The following LINGO2 variants were observed in gnomAD, a reference collection of about 807,000 sequenced individuals.
LINGO2 encodes the protein leucine rich repeat and Ig domain containing 2, also known as leucine-rich repeat and immunoglobulin-like domain-containing nogo receptor-interacting protein 2.
In LINGO2, 14 loss-of-function variants were observed where a neutral mutation model predicts 30.6. That is an observed-to-expected ratio of 0.46 (90% CI 0.30 to 0.72). LINGO2 has a LOEUF of 0.72. Among genes scored for constraint, LINGO2 ranks in the 30% least tolerant of loss-of-function variants. The pLI is 0.07. For missense variants in LINGO2, 729 were observed against 751.7 expected (o/e 0.97, Z 0.35); for synonymous variants, 317 against 288.5 (o/e 1.10, Z -1.00).
intron 1 of LINGO2, among the ~76,000 whole-genome samples, chr9:28,593,917 A>G (rs1825049465): frequency 6.6e-6 from 1 of 152,074 alleles, no homozygotes; most frequent in African/African-American, 2.4e-5. Context: ...AAATTGTAGG[A>G]GAATATGAAT....
chr9:28,193,466 G>A (rs1214384822), intron 4 of LINGO2, among the ~76,000 whole-genome samples: 1 of 152,026 alleles, frequency 6.6e-6, no homozygotes, highest in Non-Finnish European at 1.5e-5. Flanking sequence ...GCCAAAATTG[G>A]ACAGTAAAGG....
intron 4 of LINGO2, among the ~76,000 whole-genome samples, chr9:28,020,338 A>C (rs899463632): frequency 6.6e-6 from 1 of 152,076 alleles, no homozygotes; most frequent in African/African-American, 2.4e-5. Flanking sequence ...TGACCAGCCT[A>C]ACCAATACGG....
intron 4 of LINGO2, among the ~76,000 whole-genome samples, chr9:28,025,043 A>G (rs1823311591): frequency 1.3e-5 from 2 of 152,146 alleles, no homozygotes; most frequent in Non-Finnish European, 2.9e-5. Context: ...TAATGTGAGG[A>G]TTTCTTTCAC....
the LINGO2 span, among the ~76,000 whole-genome samples, chr9:29,081,128 G>A: frequency 6.6e-6 from 1 of 152,056 alleles, no homozygotes; most frequent in Non-Finnish European, 1.5e-5. Flanking sequence ...ACACAAAAAA[G>A]AGAATTTTTG....
chr9:28,012,828 T>C (rs1822627886), intron 4 of LINGO2, among the ~76,000 whole-genome samples: 1 of 152,190 alleles, frequency 6.6e-6, no homozygotes, highest in African/African-American at 2.4e-5. Context: ...ATTCAAAAAC[T>C]GTCTATCTGA....
chr9:28,107,181 G>A (rs1283555691), intron 4 of LINGO2, among the ~76,000 whole-genome samples: 3 of 152,122 alleles, frequency 2.0e-5, no homozygotes, highest in Non-Finnish European at 4.4e-5. Flanking sequence ...ACAGAAGTAT[G>A]TCTTTAGATT....
Position 27,962,485 on chromosome 9 carries a change from G to T in LINGO2, c.-35-11779C>A, listed in dbSNP as rs971748310. Among the ~76,000 whole-genome samples the T allele has an allele frequency of 2.9e-4, 44 of 152,048 alleles. 1 individual carries two copies. Among genetic ancestry groups the T allele is most frequent in the Non-Finnish European group, 7.4e-5 (5 of 68,014 alleles). Reference sequence around the variant, plus strand: ...AAAGTGAAGGACTGCCAAAAAGAAGGGTGGATAAGCACCCCGGCAAGCCTG... The same window carrying T: ...AAAGTGAAGGACTGCCAAAAAGAAGTGTGGATAAGCACCCCGGCAAGCCTG... On this transcript the variant is annotated intron_variant, in intron 5 of 5. Coordinates refer to ENST00000379992, the Ensembl canonical transcript of LINGO2.
chr9:28,592,708 G>C (rs1587926683), intron 1 of LINGO2, among the ~76,000 whole-genome samples: 2 of 152,080 alleles, frequency 1.3e-5, no homozygotes, highest in African/African-American at 4.8e-5. Flanking sequence ...CTGAGTCACA[G>C]ACCAACCCTT....
intron 1 of LINGO2, among the ~76,000 whole-genome samples, chr9:28,543,629 C>T (rs1300589126): frequency 6.6e-6 from 1 of 152,060 alleles, no homozygotes; most frequent in Admixed American, 6.6e-5. Context: ...AAAAAATCTC[C>T]TTACTTTTTC....
chr9:29,063,580 A>G, the LINGO2 span, among the ~76,000 whole-genome samples: 4 of 151,766 alleles, frequency 2.6e-5, no homozygotes, highest in Non-Finnish European at 5.9e-5. Context: ...TGTATTTTTC[A>G]TAGAGATGGG....
At chr9:28,548,055 C>A (rs1032376346) in intron 1 of LINGO2, among the ~76,000 whole-genome samples, 1 of 152,014 alleles carries the variant, frequency 6.6e-6, no homozygotes, top group Non-Finnish European at 1.5e-5. Context: ...CCCAAGGAAG[C>A]TATGGAAAAG....
chr9:28,439,728 A>G (rs1824113293), intron 2 of LINGO2, among the ~76,000 whole-genome samples: 1 of 152,186 alleles, frequency 6.6e-6, no homozygotes, highest in Non-Finnish European at 1.5e-5. Context: ...AGCCTGCAGA[A>G]CGATGAGCCA....
intron 5 of LINGO2, among the ~76,000 whole-genome samples, chr9:27,999,445 A>ATT (rs1303699373): frequency 1.7e-5 from 2 of 120,470 alleles, no homozygotes; most frequent in Admixed American, 8.6e-5. Context: ...TCAGAGAGAG[A>ATT]GAGAGAGAGA....
Position 28,591,394 on chromosome 9 carries a change from G to GA in LINGO2, c.-365+78805dup, listed in dbSNP as rs539479345. Among the ~76,000 whole-genome samples, 222 of 152,022 alleles carry GA rather than the reference G, an allele frequency of 1.5e-3. 1 individual carries two copies. Among genetic ancestry groups the GA allele is most frequent in the African/African-American group, 5.3e-3 (218 of 41,496 alleles). On this transcript the variant is annotated intron_variant, in intron 1 of 5. Transcript: ENST00000379992. ...TGCTTGACAATCTACATTTGTAGCA[G>GA]AAAAAAATAATAATAAGCTATTTAT...
In LINGO2 at chr9:28,481,865, T is replaced by C. The variant is rs1052271888; in HGVS notation, c.-364-5840A>G. Among the ~76,000 whole-genome samples the C allele has an allele frequency of 4.0e-5, 6 of 150,032 alleles. No individual in the cohort carries two copies. The East Asian group carries it at 1.2e-3, about 30-fold the overall frequency. ...TTCAGTTCCCACCTATGAGTGAGAA[T>C]ATGCGGTGTTTGGTTCTTTGTTCTT... On this transcript the variant is annotated intron_variant, in intron 1 of 5. Transcript: ENST00000379992.
At chr9:28,518,382 C>T (rs1820706784) in intron 1 of LINGO2, among the ~76,000 whole-genome samples, 1 of 152,112 alleles carries the variant, frequency 6.6e-6, no homozygotes, top group African/African-American at 2.4e-5. Flanking sequence ...CATGTGTCAC[C>T]TCCAATTAAT....
the LINGO2 span, among the ~76,000 whole-genome samples, chr9:28,809,192 A>AAAGAT: frequency 6.6e-6 from 1 of 152,256 alleles, no homozygotes; most frequent in African/African-American, 2.4e-5. Flanking sequence ...GTATTCACTA[A>AAAGAT]AAGATAATAA....
the LINGO2 span, among the ~76,000 whole-genome samples, chr9:29,032,459 G>T: frequency 6.6e-6 from 1 of 152,262 alleles, no homozygotes; most frequent in Non-Finnish European, 1.5e-5. Flanking sequence ...TCAGTGTGCA[G>T]CTCACTACAG....
chr9:28,164,731 A>T (rs1267231418), intron 4 of LINGO2, among the ~76,000 whole-genome samples: 3 of 152,104 alleles, frequency 2.0e-5, no homozygotes, highest in Non-Finnish European at 4.4e-5. Flanking sequence ...ACCCCTATAT[A>T]TGTGGCTAGC....
Sources: gnomAD v4.1 joint callset for allele counts (sites outside exome capture counted in the v4.1 genomes callset) on GRCh38, gnomAD v4.1.1 for gene constraint, MANE v1.5 for transcripts, NCBI Gene and HGNC (gene_info 2026-07-23, HGNC 2026-07-21) for gene names.